The following PREX2 variants were observed in gnomAD, a reference collection of about 807,000 sequenced individuals.
PREX2 encodes the protein phosphatidylinositol-3,4,5-trisphosphate dependent Rac exchange factor 2, also known as phosphatidylinositol 3,4,5-trisphosphate-dependent Rac exchanger 2 protein.
A neutral mutation model predicts 203.2 loss-of-function variants in PREX2; 107 were observed. The ratio of observed to expected loss-of-function variants is 0.53; its 90% CI spans 0.45 to 0.62. The LOEUF is 0.62. Among genes scored for constraint, PREX2 ranks in the 20% least tolerant of loss-of-function variants. PREX2 has a pLI of 0.00. For missense variants in PREX2, 1,777 were observed against 1,955.9 expected (o/e 0.91, Z 1.72); for synonymous variants, 672 against 663.6 (o/e 1.01, Z -0.19).
chr8:68,030,365 A>T, intron 5 of PREX2, 132 bp from the exon 6 acceptor site: 1 of 718,122 alleles, frequency 1.4e-6, no homozygotes, highest in Non-Finnish European at 2.2e-6. Flanking sequence ...TTTTGATCTT[A>T]GAGGAATTTG....
In PREX2 at chr8:68,002,807, CAG is replaced by C. The variant is rs542567065; in HGVS notation, c.142-15036_142-15035del. Among the ~76,000 whole-genome samples the C allele has an allele frequency of 6.6e-5, 10 of 152,192 alleles. No homozygotes were observed. The East Asian group carries it at 1.2e-3, about 18-fold the overall frequency. ...ATAATGCCTACTACATGGTGGAAAA[CAG>C]AGTTTGTTGACCCAGGAGCTTCAGA... On this transcript the variant is annotated intron_variant, in intron 1 of 39. Coordinates refer to ENST00000288368, the MANE Select transcript of PREX2 (RefSeq NM_024870.4).
intron 1 of PREX2, among the ~76,000 whole-genome samples, chr8:68,005,273 C>T (rs1326899704): frequency 6.6e-6 from 1 of 152,130 alleles, no homozygotes; most frequent in Non-Finnish European, 1.5e-5. Context: ...AACTTCATAA[C>T]GTAGGCAGAT....
In PREX2 at chr8:68,196,696, A is replaced by G. The variant is rs1210300392; in HGVS notation, c.4604+4171A>G. On this transcript the variant is annotated intron_variant, in intron 37 of 39. Coordinates refer to ENST00000288368, the MANE Select transcript of PREX2 (RefSeq NM_024870.4). ...TAGCACCATCCCCAGTTTTCATGAG[A>G]TCTGCTTCTTTAAAGATGTATGGCA... Among the ~76,000 whole-genome samples the G allele has an allele frequency of 2.0e-5, 3 of 149,960 alleles. No homozygotes were observed. The South Asian group carries it at 6.4e-4, about 32-fold the overall frequency.
rs2129615753 is a variant in PREX2, at chr8:68,234,800, T to G, written c.*3422T>G. The G allele has an allele frequency of 6.6e-6, 1 of 152,192 alleles. No individual in the cohort carries two copies. Among genetic ancestry groups the G allele is most frequent in the Middle Eastern group, 3.4e-3 (1 of 294 alleles). The allele number at this position is 152,192 out of a possible 1,614,324, so 9.4% of individuals were successfully genotyped here. A position where few individuals can be genotyped will look rare whatever the true frequency, so the allele number is the denominator to read the frequency against. On this transcript the variant is annotated 3_prime_UTR_variant, in exon 40 of 40. Coordinates refer to ENST00000288368, the MANE Select transcript of PREX2 (RefSeq NM_024870.4). ...TTCTTGCAGCAAATTTTAAATCAAT[T>G]TAAAATTAGGTAAACTTTTTATGAT...
At chr8:67,967,851 T>A (rs1390276379) in intron 1 of PREX2, among the ~76,000 whole-genome samples, 1 of 152,122 alleles carries the variant, frequency 6.6e-6, no homozygotes, top group Non-Finnish European at 1.5e-5. Context: ...AAACACCACA[T>A]GTTCTCACTC....
intron 37 of PREX2, among the ~76,000 whole-genome samples, chr8:68,204,556 C>A (rs1042716598): frequency 6.6e-6 from 1 of 151,878 alleles, no homozygotes; most frequent in Non-Finnish European, 1.5e-5. Context: ...TCTCTGTCTG[C>A]GGCCAGGATC....
intron 34 of PREX2, among the ~76,000 whole-genome samples, chr8:68,152,245 C>T (rs1010541084): frequency 2.2e-5 from 3 of 135,426 alleles, no homozygotes; most frequent in African/African-American, 8.6e-5. Flanking sequence ...GAGATCACGC[C>T]ACTGCACTCC....
At chr8:68,224,660 A>T in intron 39 of PREX2, 34 bp downstream of exon 39, 1 of 1,547,298 alleles carries the variant, frequency 6.5e-7, no homozygotes, top group Non-Finnish European at 8.9e-7. Context: ...CTTGCCCGAA[A>T]GATTTGCCAG....
At chr8:68,007,718 T>C (rs768114110) in intron 1 of PREX2, among the ~76,000 whole-genome samples, 40 of 152,310 alleles carry the variant, frequency 2.6e-4, no homozygotes, top group Non-Finnish European at 4.7e-4. Context: ...CATACCATTC[T>C]CCTGCCTCAG....
At chr8:68,085,388 T>A (rs565557304) in intron 18 of PREX2, among the ~76,000 whole-genome samples, 3 of 152,346 alleles carry the variant, frequency 2.0e-5, no homozygotes, top group Non-Finnish European at 4.4e-5. Flanking sequence ...TGACTTTTCC[T>A]TTATGTCCTT....
chr8:68,044,917 A>G (rs991005225), intron 8 of PREX2, among the ~76,000 whole-genome samples: 1 of 152,126 alleles, frequency 6.6e-6, no homozygotes, highest in African/African-American at 2.4e-5. Flanking sequence ...CTTTAGTTAT[A>G]CTGTTTTATA....
chr8:68,187,888 A>T (rs1288780113), intron 35 of PREX2, among the ~76,000 whole-genome samples: 1 of 152,174 alleles, frequency 6.6e-6, no homozygotes, highest in Non-Finnish European at 1.5e-5. Flanking sequence ...GGCCTGCTGG[A>T]CTCTGGAGGT....
intron 15 of PREX2, 114 bp downstream of exon 15, chr8:68,077,583 T>G: frequency 1.2e-6 from 1 of 806,148 alleles, no homozygotes; most frequent in Non-Finnish European, 2.2e-6. Flanking sequence ...AGCAAGACTG[T>G]CTGGGTCTTG....
intron 18 of PREX2, 108 bp downstream of exon 18, chr8:68,083,496 C>A: frequency 1.3e-6 from 1 of 782,998 alleles, no homozygotes; most frequent in Non-Finnish European, 2.0e-6. Flanking sequence ...TTGCTTGGAA[C>A]GCTTGAACCT....
chr8:68,064,335 A>C (rs898036995), intron 11 of PREX2, among the ~76,000 whole-genome samples: 2 of 152,142 alleles, frequency 1.3e-5, no homozygotes, highest in African/African-American at 2.4e-5. Context: ...ATGTAAGTGC[A>C]TAAATTATGT....
chr8:68,010,125 C>T (rs1807218237), intron 1 of PREX2, among the ~76,000 whole-genome samples: 1 of 152,174 alleles, frequency 6.6e-6, no homozygotes, highest in African/African-American at 2.4e-5. Context: ...TTTCTATCTT[C>T]TACTCTTTGT....
At position 68,231,477 on chromosome 8, in the gene PREX2, C is replaced by A. The variant is rs1262173096; in HGVS notation, c.*99C>A. On this transcript the variant is annotated 3_prime_UTR_variant, in exon 40 of 40. Coordinates refer to ENST00000288368, the MANE Select transcript of PREX2 (RefSeq NM_024870.4). ...ATTCTCCACTGAAGATACATCAATG[C>A]TTTTTTTTTTTTTTTTTTCTGTAAA... 4 of 473,882 alleles carry A rather than the reference C, an allele frequency of 8.4e-6. No individual in the cohort carries two copies. Among genetic ancestry groups the A allele is most frequent in the African/African-American group, 4.6e-5 (2 of 43,700 alleles). The allele number at this position is 473,882 out of a possible 1,614,324, so 29.4% of individuals were successfully genotyped here. A position where few individuals can be genotyped will look rare whatever the true frequency, so the allele number is the denominator to read the frequency against.
intron 1 of PREX2, among the ~76,000 whole-genome samples, chr8:67,997,812 T>C (rs1044089236): frequency 9.2e-5 from 14 of 152,146 alleles, no homozygotes; most frequent in Non-Finnish European, 5.9e-5. Context: ...CATTTACTTC[T>C]CCCAAGATCA....
Position 68,108,282 on chromosome 8 carries a change from T to G in PREX2, c.2889T>G (p.Asp963Glu). 6.2e-7 allele frequency: 1 copy of G among 1,613,986 alleles called. No individual in the cohort carries two copies. The highest frequency in any genetic ancestry group is 1.1e-5 in the South Asian group (1 of 91,070). ...SLGSAFGVQL[D>E]SRKHNSHDKE... ...GAAGTGCATTTGGTGTTCAGTTGGA[T>G]AGCAGGAAGCATAATTCTCATGATA... Residue 963 changes from aspartate (D) to glutamate (E), a missense_variant, in exon 24 of 40, where the codon GAT (aspartate) becomes GAG (glutamate). Physicochemically the swap from Asp to Glu is conservative, Grantham distance 45. Transcript: ENST00000288368.
Sources: allele counts gnomAD v4.1 joint callset (sites outside exome capture counted in the v4.1 genomes callset), GRCh38; gene constraint gnomAD v4.1.1; transcripts MANE v1.5; gene names NCBI Gene and HGNC (gene_info 2026-07-23, HGNC 2026-07-21).